The following PLOD2 variants were observed in gnomAD, a reference collection of about 807,000 sequenced individuals.
PLOD2 encodes procollagen-lysine,2-oxoglutarate 5-dioxygenase 2.
A neutral mutation model predicts 101.0 loss-of-function variants in PLOD2; 65 were observed. The ratio of observed to expected loss-of-function variants is 0.64; its 90% confidence interval spans 0.53 to 0.79. The LOEUF (loss-of-function observed/expected upper bound fraction) is 0.79, where lower values mean the gene tolerates loss of function less well. Ranked by LOEUF, PLOD2 falls within the 30% of genes least tolerant of loss-of-function variation. The pLI is 0.00. For synonymous variants in PLOD2, 314 were observed against 302.9 expected, an observed-to-expected ratio of 1.04 and a Z score of -0.38; for missense variants, 909 against 914.6, an observed-to-expected ratio of 0.99 and a Z score of 0.08.
At position 146,160,959 on chromosome 3, in the gene PLOD2, G is replaced by A. The variant is rs777087672; in HGVS notation, c.31C>T (p.Leu11=). 45 of 1,597,612 alleles carry A rather than the reference G, an allele frequency of 2.8e-5. No homozygotes were observed. Among genetic ancestry groups the A allele is most frequent in the Non-Finnish European group, 3.6e-5 (42 of 1,172,476 alleles). MGGCTVKPQL[L]LLALVLHPWN... ...GGGTGGAGGACGAGCGCCAGGAGCA[G>A]CAGCTGAGGCTTCACCGTGCATCCC... The change falls in exon 1 of 20, where the codon CTG becomes TTG. Residue 11 remains leucine, a synonymous_variant. Transcript: ENST00000282903.
At chr3:146,112,724 G>A (rs576261916) in intron 3 of PLOD2, among the ~76,000 whole-genome samples, 5 of 151,990 alleles carry the variant, frequency 3.3e-5, no homozygotes, top group South Asian at 4.2e-4. Context: ...GGTGATGTGC[G>A]CCTGTAATCC....
At chr3:146,147,984 T>C (rs1033492610) in intron 1 of PLOD2, among the ~76,000 whole-genome samples, 1 of 152,148 alleles carries the variant, frequency 6.6e-6, no homozygotes, top group African/African-American at 2.4e-5. Context: ...AGATTCTGAT[T>C]TTTAAGTAAA....
At chr3:146,116,833 A>T (rs1937936453) in intron 3 of PLOD2, among the ~76,000 whole-genome samples, 1 of 152,044 alleles carries the variant, frequency 6.6e-6, no homozygotes, top group Admixed American at 6.6e-5. Context: ...AAATATCTAA[A>T]TTTTTTTATC....
intron 7 of PLOD2, among the ~76,000 whole-genome samples, chr3:146,098,006 A>C (rs984725071): frequency 5.9e-5 from 9 of 152,114 alleles, no homozygotes; most frequent in Admixed American, 5.2e-4. Flanking sequence ...AACAATGAGA[A>C]CTCGTGGACA....
At chr3:146,090,120 G>A (rs1530742) in intron 8 of PLOD2, among the ~76,000 whole-genome samples, 145,599 of 150,786 alleles carry the variant, frequency 0.97, 70,429 homozygotes, top group Non-Finnish European at 0.99. Context: ...TATTTGTTAT[G>A]TATATTCATA....
chr3:146,088,433 A>G (rs1355652983), intron 9 of PLOD2, among the ~76,000 whole-genome samples, 153 bp downstream of exon 9: 1 of 151,624 alleles, frequency 6.6e-6, no homozygotes, highest in Non-Finnish European at 1.5e-5. Flanking sequence ...TAGAATCTAA[A>G]ATCCTTAGGT....
At chr3:146,123,372 G>T in intron 2 of PLOD2, 2 of 614,630 alleles carry the variant, frequency 3.3e-6, no homozygotes, top group Non-Finnish European at 4.6e-6. Flanking sequence ...GCCTCTCATA[G>T]CTGAGTTTAA....
At chr3:146,087,560 T>C (rs1445191914) in intron 9 of PLOD2, among the ~76,000 whole-genome samples, 1 of 151,910 alleles carries the variant, frequency 6.6e-6, no homozygotes. Flanking sequence ...TCTCCATCAT[T>C]AGAGCATTTC....
chr3:146,092,654 T>A (rs1937014384), intron 7 of PLOD2, among the ~76,000 whole-genome samples: 1 of 151,898 alleles, frequency 6.6e-6, no homozygotes, highest in Admixed American at 6.6e-5. Flanking sequence ...TGGTATTCAT[T>A]TTAACTGTAA....
chr3:146,104,224 G>C, intron 6 of PLOD2, 55 bp downstream of exon 6: 1 of 980,650 alleles, frequency 1.0e-6, no homozygotes, highest in Non-Finnish European at 1.7e-6. Flanking sequence ...AAAGATAGTT[G>C]AAAACACAGG....
chr3:146,141,185 A>T (rs2031504063), intron 1 of PLOD2, among the ~76,000 whole-genome samples: 1 of 152,060 alleles, frequency 6.6e-6, no homozygotes, highest in South Asian at 2.1e-4. Context: ...GTTTAGATTA[A>T]TTACAACCCC....
At chr3:146,085,334 A>T (rs1330794229) in intron 10 of PLOD2, 61 bp from the exon 11 acceptor site, 1 of 829,992 alleles carries the variant, frequency 1.2e-6, no homozygotes, top group Admixed American at 1.8e-5. Flanking sequence ...CTGACTGAAA[A>T]ATGTTAATAT....
intron 2 of PLOD2, 21 bp from the exon 3 acceptor site, chr3:146,121,269 T>C (rs1559860258): frequency 6.2e-7 from 1 of 1,609,042 alleles, no homozygotes; most frequent in Non-Finnish European, 8.5e-7. Flanking sequence ...AATCAACATT[T>C]CATTCCTGAG....
chr3:146,123,213 G>T, intron 2 of PLOD2: 2 of 559,698 alleles, frequency 3.6e-6, no homozygotes, highest in South Asian at 3.2e-5. Context: ...TCTCCAAAAA[G>T]TAATCTTTCT....
intron 7 of PLOD2, among the ~76,000 whole-genome samples, chr3:146,099,874 G>A (rs1222654167): frequency 7.2e-6 from 1 of 139,430 alleles, no homozygotes; most frequent in African/African-American, 2.7e-5. Flanking sequence ...AAGTTACAGT[G>A]ACCAACTTTT....
intron 1 of PLOD2, among the ~76,000 whole-genome samples, chr3:146,138,022 T>C (rs1359317070): frequency 6.6e-6 from 1 of 152,122 alleles, no homozygotes; most frequent in African/African-American, 2.4e-5. Flanking sequence ...ATTCGTGTTT[T>C]CATTATTCAA....
intron 11 of PLOD2, among the ~76,000 whole-genome samples, chr3:146,083,023 T>C (rs1050748940): frequency 2.6e-5 from 4 of 152,302 alleles, no homozygotes; most frequent in African/African-American, 9.6e-5. Context: ...CCTACAATAC[T>C]GGAAATAATA....
rs746997935 is a variant in PLOD2, at chr3:146,106,632, T to C, written c.515A>G (p.Tyr172Cys). The C allele has an allele frequency of 7.8e-6, 12 of 1,538,496 alleles. No homozygotes were observed. Among genetic ancestry groups the C allele is most frequent in the South Asian group, 5.6e-5 (5 of 89,490 alleles). Residue 172 changes from tyrosine to cysteine, a missense_variant, in exon 5 of 20, where the codon TAT becomes TGT. By Grantham distance (194) the Tyr-to-Cys change is radical (BLOSUM62 -2). Coordinates refer to ENST00000282903, the MANE Select transcript of PLOD2 (RefSeq NM_182943.3). ...AACTATACGGTTGACATATGGAGCA[T>C]AGCCAATAAATCCTGCAACACAGCA... is the stretch of plus-strand genomic sequence containing the variant. ...RYLNSGGFIGYAPYVNRIVQQ... is the reference protein window; with the variant it reads ...RYLNSGGFIGCAPYVNRIVQQ...
intron 19 of PLOD2, 34 bp downstream of exon 19, chr3:146,071,008 T>C (rs756077194): frequency 3.2e-6 from 5 of 1,580,524 alleles, no homozygotes; most frequent in Non-Finnish European, 4.3e-6. Flanking sequence ...TATATTTCTT[T>C]TGAAAAATCT....
Sources: gnomAD v4.1 joint callset for allele counts (sites outside exome capture counted in the v4.1 genomes callset) on GRCh38, gnomAD v4.1.1 for gene constraint, MANE v1.5 for transcripts, NCBI Gene and HGNC (gene_info 2026-07-23, HGNC 2026-07-21) for gene names.